XPO5: variants seen among roughly 807,000 people sequenced by gnomAD.
The protein encoded by XPO5 is exportin-5.
A neutral mutation model predicts 160.6 loss-of-function variants in XPO5; 46 were observed. That is an observed-to-expected ratio of 0.29 (90% confidence interval 0.23 to 0.37). The LOEUF is 0.37. XPO5 is among the 10% of genes least tolerant of loss of function. The pLI, the probability that XPO5 is intolerant of heterozygous loss-of-function variation, is 1.00. For synonymous variants in XPO5, 537 were observed against 519.3 expected (o/e 1.03, Z -0.46); for missense variants, 1,090 against 1,463.9 (o/e 0.74, Z 4.17).
chr6:43,549,411 T>G, intron 17 of XPO5, 78 bp downstream of exon 17: 1 of 1,395,396 alleles, frequency 7.2e-7, no homozygotes, highest in South Asian at 1.4e-5. Context: ...TTTTTCTTTA[T>G]GTGAGGTACA....
Position 43,560,294 on chromosome 6 carries a change from A to G in XPO5, c.1105T>C (p.Ser369Pro). Reference sequence around the variant, plus strand: ...GCTCCCCAAGTCATCTGAGTTGAAGAGCGTAGAAACTAAAGAGAAAAAAAA... The same window carrying G: ...GCTCCCCAAGTCATCTGAGTTGAAGGGCGTAGAAACTAAAGAGAAAAAAAA... ...FTTHPSQFLR[S>P]STQMTWGALF... The change falls in exon 11 of 32, where the codon TCT becomes CCT. Residue 369 changes from serine to proline, a missense_variant. Physicochemically the swap from Ser to Pro is moderately conservative, Grantham distance 74 (BLOSUM62 -1). Coordinates refer to ENST00000265351, the MANE Select transcript of XPO5 (RefSeq NM_020750.3). The G allele has an allele frequency of 6.2e-7, 1 of 1,609,520 alleles. No individual in the cohort carries two copies. Among genetic ancestry groups the G allele is most frequent in the Non-Finnish European group, 8.5e-7 (1 of 1,177,952 alleles).
rs778055808 is a variant in XPO5, at chr6:43,525,895, T to A, written c.3010A>T (p.Thr1004Ser). 6.2e-7 allele frequency: 1 copy of A among 1,613,966 alleles called. No homozygotes were observed. The highest frequency in any genetic ancestry group is 8.5e-7 in the Non-Finnish European group (1 of 1,179,882). The stretch of plus-strand genomic sequence containing the variant: ...GTAAGCTCTGCCATAGCTGAGGGGG[T>A]GACCTCTGTGGCCATCATTTCTTCA... The part of the protein sequence containing the change: ...DDEEMMATEV[T>S]PSAMAELTDL... The change falls in exon 28 of 32, where the codon ACC becomes TCC. Residue 1004 changes from threonine to serine, a missense_variant. Thr to Ser is a moderately conservative substitution (Grantham distance 58). This residue lies in a region of XPO5 where 810 missense variants were observed against 1,139.0 expected (regional missense o/e 0.71). Coordinates refer to ENST00000265351, the MANE Select transcript of XPO5 (RefSeq NM_020750.3).
chr6:43,538,214 A>C lies in XPO5; in HGVS notation c.2343-4207T>G, dbSNP rs1477848760. On this transcript the variant is annotated intron_variant, in intron 20 of 31. Coordinates refer to ENST00000265351, the MANE Select transcript of XPO5 (RefSeq NM_020750.3). ...GCTCAGGCTGGAGTACAATGGCGTG[A>C]TCTCAGCTCAATGCAACCTCCGCCT... is the stretch of plus-strand genomic sequence containing the variant. Among the ~76,000 whole-genome samples the C allele has an allele frequency of 2.6e-5, 3 of 115,338 alleles. No individual in the cohort carries two copies. In the Admixed American group the frequency reaches 3.9e-4, roughly 15 times the overall value. 75.7% of individuals were successfully genotyped at this position (115,338 alleles called of 152,430 possible). A position where few individuals can be genotyped will look rare whatever the true frequency, so the allele number is the denominator to read the frequency against.
At chr6:43,561,136 T>A in intron 9 of XPO5, 129 bp from the exon 10 acceptor site, 1 of 750,650 alleles carries the variant, frequency 1.3e-6, no homozygotes, top group African/African-American at 1.7e-5. Context: ...TTGTATTTCC[T>A]TTTGGCTAAA....
At chr6:43,573,287 G>A in intron 2 of XPO5, 193 bp downstream of exon 2, 1 of 684,444 alleles carries the variant, frequency 1.5e-6, no homozygotes. Flanking sequence ...TTACATGGAT[G>A]AAGAAACTGA....
At chr6:43,526,649 A>G (rs1379233438) in intron 27 of XPO5, 36 bp downstream of exon 27, 9 of 1,611,796 alleles carry the variant, frequency 5.6e-6, no homozygotes, top group Non-Finnish European at 7.6e-6. Flanking sequence ...TTAGGAGGCT[A>G]AGAGCAGAAC....
rs561324245 is a variant in XPO5 at position 43,529,105 on chromosome 6, T to C, written c.2678-180A>G. On this transcript the variant is annotated intron_variant, in intron 23 of 31. Transcript: ENST00000265351. Reference sequence around the variant, plus strand: ...CCTAAAATCCTAAATGGCACTGATATTGAATTCCATTATACTCTTAGTTTA... The same window carrying C: ...CCTAAAATCCTAAATGGCACTGATACTGAATTCCATTATACTCTTAGTTTA... 4.7e-5 allele frequency: 51 copies of C among 1,075,822 alleles called. 1 individual carries two copies. The highest frequency in any genetic ancestry group is 1.8e-4 in the South Asian group (13 of 70,642). 66.6% of individuals were successfully genotyped at this position (1,075,822 alleles called of 1,614,324 possible).
chr6:43,537,937 G>A (rs867270126), intron 20 of XPO5, among the ~76,000 whole-genome samples: 6 of 151,350 alleles, frequency 4.0e-5, no homozygotes, highest in African/African-American at 7.3e-5. Context: ...GCGTGGTGGC[G>A]CACACCTGTA....
In XPO5 at chr6:43,534,116, A is replaced by G. The variant is rs990161088; in HGVS notation, c.2343-109T>C. 7 of 752,152 alleles carry G rather than the reference A, an allele frequency of 9.3e-6. No homozygotes were observed. In the Admixed American group the frequency reaches 1.2e-4, roughly 13 times the overall value. The allele number at this position is 752,152 out of a possible 1,614,324, so 46.6% of individuals were successfully genotyped here. On this transcript the variant is annotated intron_variant, in intron 20 of 31. Transcript: ENST00000265351. ...CAGTTTCACACAGATCTGCCCATCA[A>G]CTCCTGGCAGGGGAAAGAAAAGAAG...
chr6:43,525,240 C>A, intron 28 of XPO5, 26 bp from the exon 29 acceptor site: 3 of 1,551,812 alleles, frequency 1.9e-6, no homozygotes, highest in Non-Finnish European at 2.6e-6. Flanking sequence ...TGAAGAGTTA[C>A]AATGGAAAAA....
At chr6:43,566,555 T>C in intron 7 of XPO5, 1 of 319,066 alleles carries the variant, frequency 3.1e-6, no homozygotes, top group South Asian at 2.4e-5. Context: ...ACGCCTGTAA[T>C]CCCAGCACTT....
chr6:43,523,770 G>A lies in XPO5; in HGVS notation c.*98C>T, dbSNP rs1793353083. 1.3e-6 allele frequency: 2 copies of A among 1,593,496 alleles called. No individual in the cohort carries two copies. The highest frequency in any genetic ancestry group is 2.7e-5 in the African/African-American group (2 of 74,508). On this transcript the variant is annotated 3_prime_UTR_variant, in exon 32 of 32. Coordinates refer to ENST00000265351, the MANE Select transcript of XPO5 (RefSeq NM_020750.3). ...ATCTCTTTCCAGGCTGACAGTGGTG[G>A]AAAGTGAGGTGGCAGTGCAAGAAGG... is the stretch of plus-strand genomic sequence containing the variant.
In XPO5 at chr6:43,555,828, A is replaced by G; in HGVS notation, c.1441+8T>C. On this transcript the variant is annotated splice_region_variant and intron_variant, in intron 13 of 31. Coordinates refer to ENST00000265351, the MANE Select transcript of XPO5 (RefSeq NM_020750.3). ...TTTCACTAACATTCAGTAATGAAAA[A>G]AACTTACAATTCACAGAACCAGCAT... is the stretch of plus-strand genomic sequence containing the variant. 2 of 1,613,824 alleles carry G rather than the reference A, an allele frequency of 1.2e-6. No individual in the cohort carries two copies. Among genetic ancestry groups the G allele is most frequent in the Non-Finnish European group, 1.7e-6 (2 of 1,179,826 alleles).
At chr6:43,566,396 AAAATAAAT>A (rs1005359857) in intron 7 of XPO5, among the ~76,000 whole-genome samples, 2 of 152,064 alleles carry the variant, frequency 1.3e-5, no homozygotes, top group Non-Finnish European at 2.9e-5. Context: ...TCCATCTCAA[AAAATAAAT>A]AAATAAATAA....
chr6:43,534,934 G>C (rs543202115), intron 20 of XPO5, among the ~76,000 whole-genome samples: 1 of 152,208 alleles, frequency 6.6e-6, no homozygotes, highest in East Asian at 1.9e-4. Context: ...GGCAGAGGTT[G>C]TGGTGAGCCG....
intron 6 of XPO5, among the ~76,000 whole-genome samples, chr6:43,567,935 CAAAAAAA>C (rs760267973): frequency 1.3e-5 from 1 of 75,232 alleles, no homozygotes; most frequent in African/African-American, 4.9e-5. Context: ...GACCCTGTGT[CAAAAAAA>C]AAAAAAAAAA....
At chr6:43,562,463 C>T (rs1762466009) in intron 8 of XPO5, 117 bp from the exon 9 acceptor site, 2 of 780,922 alleles carry the variant, frequency 2.6e-6, no homozygotes, top group East Asian at 5.5e-5. Flanking sequence ...AGCAGAATTC[C>T]AATAGCTTTG....
chr6:43,548,723 T>C (rs1209721528), intron 17 of XPO5, among the ~76,000 whole-genome samples: 3 of 150,988 alleles, frequency 2.0e-5, no homozygotes, highest in Non-Finnish European at 4.4e-5. Flanking sequence ...TTGTTTTATA[T>C]ATATATATAG....
chr6:43,527,562 T>G (rs1167080598), intron 26 of XPO5, 72 bp downstream of exon 26: 1 of 1,495,556 alleles, frequency 6.7e-7, no homozygotes, highest in Non-Finnish European at 9.3e-7. Flanking sequence ...CAGGCCTTCA[T>G]GGAGTTGGCT....
Sources: gnomAD v4.1 joint callset for allele counts (sites outside exome capture counted in the v4.1 genomes callset) on GRCh38, gnomAD v4.1.1 for gene constraint, gnomAD v4.1.1 regional missense constraint, MANE v1.5 for transcripts, NCBI Gene and HGNC (gene_info 2026-07-23, HGNC 2026-07-21) for gene names.